EIF4B: variants seen among roughly 807,000 people sequenced by gnomAD.
EIF4B encodes the protein eukaryotic translation initiation factor 4B.
A neutral mutation model predicts 79.3 loss-of-function variants in EIF4B; 8 were observed. The ratio of observed to expected loss-of-function variants is 0.10; its 90% CI spans 0.06 to 0.18. The LOEUF is 0.18. Ranked by LOEUF, EIF4B falls within the 10% of genes least tolerant of loss-of-function variation. The probability of loss-of-function intolerance (pLI) is 1.00; values close to 1 mark genes in which losing one functional copy is unlikely to be tolerated. For missense variants in EIF4B, 515 were observed against 792.4 expected, an observed-to-expected ratio of 0.65 and a Z score of 4.20; for synonymous variants, 238 against 274.7, an observed-to-expected ratio of 0.87 and a Z score of 1.32.
intron 3 of EIF4B, 145 bp downstream of exon 3, chr12:53,019,151 C>A: frequency 2.0e-6 from 2 of 1,019,594 alleles, no homozygotes; most frequent in Non-Finnish European, 2.8e-6. Context: ...GTAATCCCAG[C>A]ACTCTGGGAG....
chr12:53,008,988 T>C (rs1340697591), intron 1 of EIF4B, among the ~76,000 whole-genome samples: 1 of 152,178 alleles, frequency 6.6e-6, no homozygotes, highest in African/African-American at 2.4e-5. Context: ...TGAACCGAGA[T>C]TGTGCCATTG....
At chr12:53,026,847 C>T (rs575629791) in intron 6 of EIF4B, among the ~76,000 whole-genome samples, 7 of 152,252 alleles carry the variant, frequency 4.6e-5, no homozygotes, top group South Asian at 2.1e-4. Context: ...AGGCAATCCA[C>T]CAACCTCAAC....
chr12:53,018,661 A>G, intron 2 of EIF4B, 137 bp from the exon 3 acceptor site: 1 of 822,486 alleles, frequency 1.2e-6, no homozygotes, highest in Admixed American at 2.6e-5. Flanking sequence ...TGCCCTTATT[A>G]CTGAACCCCC....
intron 10 of EIF4B, 75 bp downstream of exon 10, chr12:53,034,784 C>T (rs1943509331): frequency 1.3e-6 from 2 of 1,494,104 alleles, no homozygotes; most frequent in Non-Finnish European, 1.9e-6. Context: ...ATGCAGAGAC[C>T]CTGCAATATT....
In EIF4B at chr12:53,019,450, C is replaced by CTT. The variant is rs71095966; in HGVS notation, c.361-437_361-436dup. On this transcript the variant is annotated intron_variant, in intron 3 of 14. Transcript: ENST00000262056. ...ATATATATATATATTTTTTTTTTTT[C>CTT]TTTTTTTTTTTTTTTTTTTTTTTTG... Among the ~76,000 whole-genome samples the CTT allele has an allele frequency of 8.1e-3, 534 of 66,014 alleles. 24 individuals carry two copies. The highest frequency in any genetic ancestry group is 9.6e-3 in the African/African-American group (199 of 20,716). 43.3% of individuals were successfully genotyped at this position (66,014 alleles called of 152,430 possible). A position where few individuals can be genotyped will look rare whatever the true frequency, so the allele number is the denominator to read the frequency against.
intron 6 of EIF4B, among the ~76,000 whole-genome samples, chr12:53,026,872 T>C (rs972319173): frequency 6.6e-6 from 1 of 152,268 alleles, no homozygotes; most frequent in East Asian, 1.9e-4. Context: ...CAAAGTGTAT[T>C]TGTACCATTT....
At chr12:53,035,372 T>TTTA (rs199504239) in intron 10 of EIF4B, among the ~76,000 whole-genome samples, 2 of 132,308 alleles carry the variant, frequency 1.5e-5, no homozygotes, top group Non-Finnish European at 3.4e-5. Context: ...TATTTATTTA[T>TTTA]TTTCTTTTTT....
chr12:53,029,615 C>A (rs983740669), intron 8 of EIF4B, among the ~76,000 whole-genome samples: 1 of 152,128 alleles, frequency 6.6e-6, no homozygotes, highest in African/African-American at 2.4e-5. Flanking sequence ...ACCTCGTGAT[C>A]CGCCTGCCTT....
chr12:53,019,450 C>CTTTTTT lies in EIF4B; in HGVS notation c.361-441_361-436dup, dbSNP rs71095966. 2.3e-3 allele frequency among the ~76,000 whole-genome samples: 155 copies of CTTTTTT among 65,998 alleles called. 13 individuals are homozygous for CTTTTTT. Among genetic ancestry groups the CTTTTTT allele is most frequent in the Non-Finnish European group, 2.9e-3 (91 of 31,880 alleles). 43.3% of individuals were successfully genotyped at this position (65,998 alleles called of 152,430 possible). A position where few individuals can be genotyped will look rare whatever the true frequency, so the allele number is the denominator to read the frequency against. On this transcript the variant is annotated intron_variant, in intron 3 of 14. Coordinates refer to ENST00000262056, the MANE Select transcript of EIF4B (RefSeq NM_001417.7). ...ATATATATATATATTTTTTTTTTTT[C>CTTTTTT]TTTTTTTTTTTTTTTTTTTTTTTTG...
chr12:53,033,242 C>T (rs1214409655), intron 8 of EIF4B, among the ~76,000 whole-genome samples: 1 of 151,900 alleles, frequency 6.6e-6, no homozygotes, highest in Admixed American at 6.6e-5. Context: ...TGGTCTCGAA[C>T]TCCCGACCCC....
At chr12:53,032,918 G>A (rs796278809) in intron 8 of EIF4B, among the ~76,000 whole-genome samples, 21 of 152,206 alleles carry the variant, frequency 1.4e-4, no homozygotes, top group Middle Eastern at 3.4e-3. Context: ...TGATCCGCCC[G>A]CCTCAGCCCC....
At chr12:53,011,493 C>G (rs1943062497) in intron 1 of EIF4B, among the ~76,000 whole-genome samples, 1 of 152,128 alleles carries the variant, frequency 6.6e-6, no homozygotes, top group Non-Finnish European at 1.5e-5. Context: ...TGGCAGTGTC[C>G]AGAGACGCTT....
chr12:53,037,993 G>C, intron 11 of EIF4B: 1 of 270,684 alleles, frequency 3.7e-6, no homozygotes, highest in Non-Finnish European at 7.0e-6. Context: ...CGTGGTGGCA[G>C]GTACCTGTAA....
intron 3 of EIF4B, among the ~76,000 whole-genome samples, chr12:53,019,450 CTTTTTTTTTT>C (rs71095966): frequency 9.1e-5 from 6 of 65,998 alleles, no homozygotes; most frequent in Admixed American, 8.5e-4. Context: ...TTTTTTTTTT[CTTTTTTTTTT>C]TTTTTTTTTT....
intron 4 of EIF4B, 129 bp downstream of exon 4, chr12:53,020,155 A>C: frequency 1.5e-6 from 1 of 689,340 alleles, no homozygotes; most frequent in East Asian, 3.0e-5. Context: ...AAAGGCCTGC[A>C]TTATTTAACA....
At chr12:53,015,333 A>T (rs1299047390) in intron 1 of EIF4B, among the ~76,000 whole-genome samples, 2 of 152,290 alleles carry the variant, frequency 1.3e-5, no homozygotes, top group African/African-American at 4.8e-5. Flanking sequence ...GTAACTTTAC[A>T]GACATCTGGT....
chr12:53,018,479 A>G (rs1362411552), intron 2 of EIF4B, among the ~76,000 whole-genome samples: 1 of 152,180 alleles, frequency 6.6e-6, no homozygotes, highest in Non-Finnish European at 1.5e-5. Flanking sequence ...TTTTCTGTAG[A>G]ATGGGGGACA....
chr12:53,016,149 A>G (rs988389496), intron 1 of EIF4B, among the ~76,000 whole-genome samples: 2 of 152,240 alleles, frequency 1.3e-5, no homozygotes, highest in South Asian at 2.1e-4. Flanking sequence ...AAGTAGTTAC[A>G]AAATTAAAGA....
rs77749367 is a variant in EIF4B at position 53,038,292 on chromosome 12, T to G, written c.1521-64T>G. 15,250 of 1,457,406 alleles carry G rather than the reference T, an allele frequency of 0.01. 561 individuals carry two copies. In the East Asian group the frequency reaches 0.14, roughly 14 times the overall value. The allele number at this position is 1,457,406 out of a possible 1,614,324, so 90.3% of individuals were successfully genotyped here. On this transcript the variant is annotated intron_variant, in intron 11 of 14. Transcript: ENST00000262056. ...TTACCCACTGCATTTGGAGGATGAT[T>G]ATGTTTCTTGGTTGTTTTCTCCCTG... is the stretch of plus-strand genomic sequence containing the variant.
Sources: allele counts gnomAD v4.1 joint callset (sites outside exome capture counted in the v4.1 genomes callset), GRCh38; gene constraint gnomAD v4.1.1; transcripts MANE v1.5; gene names NCBI Gene and HGNC (gene_info 2026-07-23, HGNC 2026-07-21).